STPG2: variants seen among roughly 807,000 people sequenced by gnomAD.
STPG2 encodes sperm-tail PG-rich repeat-containing protein 2.
In STPG2, 56 loss-of-function variants were observed where a neutral mutation model predicts 54.2. The observed-to-expected ratio is 1.03, with a 90% CI of 0.83 to 1.29. STPG2 has a LOEUF of 1.29. Ranked by LOEUF, STPG2 falls within the 50% of genes most tolerant of loss-of-function variation. The probability of loss-of-function intolerance (pLI) is 0.00; values close to 1 mark genes in which losing one functional copy is unlikely to be tolerated. For missense variants in STPG2, 596 were observed against 544.9 expected, an observed-to-expected ratio of 1.09 and a Z score of -0.93; for synonymous variants, 200 against 181.8, an observed-to-expected ratio of 1.10 and a Z score of -0.81.
chr4:97,571,690 T>C (rs765293718), intron 10 of STPG2, among the ~76,000 whole-genome samples: 185 of 152,166 alleles, frequency 1.2e-3, no homozygotes, highest in Admixed American at 2.1e-3. Flanking sequence ...ATGTATTTCT[T>C]AAATGTATTT....
chr4:97,675,837 G>A (rs766252610), intron 10 of STPG2, among the ~76,000 whole-genome samples: 2 of 150,594 alleles, frequency 1.3e-5, no homozygotes, highest in Non-Finnish European at 2.9e-5. Flanking sequence ...ATGTACACAT[G>A]TGGGAGAGTA....
chr4:97,861,619 C>A (rs951548321), intron 8 of STPG2, among the ~76,000 whole-genome samples: 1 of 151,794 alleles, frequency 6.6e-6, no homozygotes, highest in Non-Finnish European at 1.5e-5. Context: ...CATCAGGAGA[C>A]AAATGGATAA....
At chr4:97,631,559 CAG>C (rs1452019093) in intron 10 of STPG2, among the ~76,000 whole-genome samples, 1 of 151,994 alleles carries the variant, frequency 6.6e-6, no homozygotes, top group Admixed American at 6.6e-5. Flanking sequence ...GAAAGTAAAA[CAG>C]AACTCTGTGA....
intron 4 of STPG2, among the ~76,000 whole-genome samples, chr4:97,551,227 C>T (rs868526107): frequency 1.3e-5 from 2 of 152,070 alleles, no homozygotes; most frequent in Middle Eastern, 3.2e-3. Context: ...TTCTCCAAGT[C>T]CCCACCTGAC....
At chr4:97,702,528 G>T (rs1459559399) in intron 10 of STPG2, among the ~76,000 whole-genome samples, 1 of 152,136 alleles carries the variant, frequency 6.6e-6, no homozygotes, top group Non-Finnish European at 1.5e-5. Context: ...GGTGGCTCCT[G>T]AAGAGAATCA....
intron 8 of STPG2, among the ~76,000 whole-genome samples, chr4:97,862,498 G>C (rs1223311948): frequency 1.3e-5 from 2 of 152,022 alleles, no homozygotes. Flanking sequence ...TTAATAATAG[G>C]AGACTTTAAC....
intron 7 of STPG2, among the ~76,000 whole-genome samples, 184 bp downstream of exon 7, chr4:97,972,096 T>C (rs1734347469): frequency 6.6e-6 from 1 of 152,232 alleles, no homozygotes; most frequent in African/African-American, 2.4e-5. Flanking sequence ...TTTGTGTTTT[T>C]TATTTCTGCC....
intron 10 of STPG2, among the ~76,000 whole-genome samples, chr4:97,659,962 T>C (rs1300450855): frequency 6.6e-6 from 1 of 151,992 alleles, no homozygotes; most frequent in African/African-American, 2.4e-5. Context: ...TTGGACATGA[T>C]CCTCCTAAAA....
chr4:97,618,004 C>T (rs938686758), intron 10 of STPG2, among the ~76,000 whole-genome samples: 2 of 152,070 alleles, frequency 1.3e-5, no homozygotes, highest in Non-Finnish European at 2.9e-5. Context: ...GTAAGTAACC[C>T]TAAGGAACTT....
At chr4:97,797,364 CAATACCT>C (rs1393385156) in intron 9 of STPG2, among the ~76,000 whole-genome samples, 12 of 152,166 alleles carry the variant, frequency 7.9e-5, no homozygotes, top group Non-Finnish European at 1.5e-4. Flanking sequence ...CATGCCCCAT[CAATACCT>C]AATTTCTTGA....
At chr4:97,620,417 A>G (rs894325751) in intron 10 of STPG2, among the ~76,000 whole-genome samples, 2 of 152,176 alleles carry the variant, frequency 1.3e-5, no homozygotes, top group Non-Finnish European at 2.9e-5. Context: ...TTCACATTAT[A>G]TTTCCACAAA....
intron 4 of STPG2, among the ~76,000 whole-genome samples, chr4:97,442,288 T>C (rs900705051): frequency 2.6e-5 from 4 of 152,022 alleles, no homozygotes; most frequent in Admixed American, 2.0e-4. Flanking sequence ...ACTCTTCTAT[T>C]ATCTAGCTTG....
chr4:97,726,148 T>C (rs1160337091), intron 9 of STPG2, among the ~76,000 whole-genome samples: 1 of 151,270 alleles, frequency 6.6e-6, no homozygotes, highest in African/African-American at 2.4e-5. Flanking sequence ...AGAAAAGAGG[T>C]CTCCAGAGGG....
In STPG2 at chr4:97,482,730, A is replaced by C. The variant is rs528146118; in HGVS notation, c.462+229969T>G. 7.2e-5 allele frequency among the ~76,000 whole-genome samples: 11 copies of C among 151,754 alleles called. No homozygotes were observed. The East Asian group carries it at 2.1e-3, about 29-fold the overall frequency. ...GGACTTCTGGGGAATTCATTGCAAA[A>C]AGATCATCACCTAGGTACACTGTCA... is the stretch of plus-strand genomic sequence containing the variant. On this transcript the variant is annotated intron_variant, in intron 4 of 4. Coordinates refer to the STPG2 transcript ENST00000522676.
intron 7 of STPG2, among the ~76,000 whole-genome samples, chr4:97,964,311 A>G (rs2149250517): frequency 6.6e-6 from 1 of 152,328 alleles, no homozygotes; most frequent in South Asian, 2.1e-4. Context: ...TGGATCTTTT[A>G]TAATGAGCAG....
intron 9 of STPG2, among the ~76,000 whole-genome samples, chr4:97,730,292 A>G (rs961711237): frequency 2.0e-5 from 3 of 152,196 alleles, no homozygotes; most frequent in African/African-American, 7.2e-5. Flanking sequence ...GATTAGGACA[A>G]TGGCCTTCAG....
chr4:97,849,513 C>T (rs1345186709), intron 8 of STPG2, among the ~76,000 whole-genome samples: 1 of 151,760 alleles, frequency 6.6e-6, no homozygotes, highest in Non-Finnish European at 1.5e-5. Context: ...ATTTTCGCAA[C>T]CTACTCATCT....
At chr4:97,695,041 A>T (rs1723522487) in intron 10 of STPG2, among the ~76,000 whole-genome samples, 1 of 151,334 alleles carries the variant, frequency 6.6e-6, no homozygotes, top group Admixed American at 6.6e-5. Context: ...ACAAAAAGAG[A>T]AAACTATAGA....
At chr4:98,132,600 T>C (rs978763785) in intron 2 of STPG2, among the ~76,000 whole-genome samples, 2 of 151,932 alleles carry the variant, frequency 1.3e-5, no homozygotes, top group African/African-American at 4.8e-5. Context: ...CCTTTTATGT[T>C]ACACTAAAAT....
Sources: gnomAD v4.1 joint callset for allele counts (sites outside exome capture counted in the v4.1 genomes callset) on GRCh38, gnomAD v4.1.1 for gene constraint, MANE v1.5 for transcripts, NCBI Gene and HGNC (gene_info 2026-07-23, HGNC 2026-07-21) for gene names.